Variants in SEMA5B observed in about 807,000 individuals in gnomAD.
The protein encoded by SEMA5B is semaphorin 5B.
In SEMA5B, 66 loss-of-function variants were observed where a neutral mutation model predicts 135.0. The ratio of observed to expected loss-of-function variants is 0.49; its 90% CI spans 0.40 to 0.60. The LOEUF (loss-of-function observed/expected upper bound fraction) is 0.60. SEMA5B is among the 20% of genes least tolerant of loss of function. The pLI is 0.00. For missense variants in SEMA5B, 1,501 were observed against 1,566.3 expected, an observed-to-expected ratio of 0.96 and a Z score of 0.70; for synonymous variants, 690 against 639.5, an observed-to-expected ratio of 1.08 and a Z score of -1.19.
intron 5 of SEMA5B, 23 bp from the exon 6 acceptor site, chr3:122,929,081 C>A (rs1421957080): frequency 1.9e-6 from 3 of 1,606,624 alleles, no homozygotes; most frequent in Non-Finnish European, 2.5e-6. Flanking sequence ...CATAGGAGCA[C>A]ACAGACATCA....
Position 122,923,751 on chromosome 3 carries a change from TTC to T in SEMA5B, c.1137-1_1137del, listed in dbSNP as rs1181800113. 6.2e-7 allele frequency: 1 copy of T among 1,613,886 alleles called. No homozygotes were observed. Among genetic ancestry groups the T allele is most frequent in the Non-Finnish European group, 8.5e-7 (1 of 1,179,972 alleles). ...CAGACAGCAGAAGCCGCGATGCTGTTTCTGAAAGGCAAGAAGTGGTGGCACAG... is the reference window on the plus strand; with the variant it reads ...CAGACAGCAGAAGCCGCGATGCTGTTTGAAAGGCAAGAAGTGGTGGCACAG... On this transcript the variant is annotated splice_acceptor_variant and coding_sequence_variant, in exon 10 of 23. Coordinates refer to ENST00000357599, the MANE Select transcript of SEMA5B (RefSeq NM_001031702.4). LOFTEE classifies it high-confidence loss of function.
chr3:122,953,083 G>A (rs1023789101), intron 2 of SEMA5B, among the ~76,000 whole-genome samples: 30 of 152,194 alleles, frequency 2.0e-4, no homozygotes, highest in Non-Finnish European at 3.2e-4. Flanking sequence ...GACCCTGACT[G>A]ATAGAACACC....
chr3:122,939,129 G>A (rs1168944761), intron 5 of SEMA5B, among the ~76,000 whole-genome samples: 1 of 152,222 alleles, frequency 6.6e-6, no homozygotes, highest in East Asian at 1.9e-4. Flanking sequence ...CCCAAACAGG[G>A]ACAGTTGGTC....
chr3:122,964,360 C>T (rs12635724), intron 1 of SEMA5B, among the ~76,000 whole-genome samples: 48,477 of 151,976 alleles, frequency 0.32, 9,465 homozygotes, highest in African/African-American at 0.56. Context: ...GGAGGACACA[C>T]GTTTCTTCTG....
intron 1 of SEMA5B, among the ~76,000 whole-genome samples, chr3:122,970,186 G>A (rs918112182): frequency 7.2e-5 from 11 of 152,354 alleles, no homozygotes; most frequent in African/African-American, 2.6e-4. Flanking sequence ...GCAGAGCCAG[G>A]ACTGTGAACC....
intron 17 of SEMA5B, 37 bp from the exon 18 acceptor site, chr3:122,913,098 G>A (rs1424004476): frequency 2.1e-6 from 3 of 1,419,410 alleles, no homozygotes; most frequent in East Asian, 2.8e-5. Context: ...TGGGCGCCCG[G>A]CCACCCCGAC....
intron 1 of SEMA5B, among the ~76,000 whole-genome samples, chr3:123,011,868 G>A (rs9864897): frequency 8.5e-4 from 129 of 152,114 alleles, no homozygotes; most frequent in African/African-American, 2.9e-3. Flanking sequence ...CAGAAACCCC[G>A]CTCTGGGGCT....
Position 122,923,616 on chromosome 3 carries a change from C to T in SEMA5B, c.1272+1G>A, listed in dbSNP as rs1938482968. On this transcript the variant is annotated splice_donor_variant, in intron 10 of 22. Coordinates refer to ENST00000357599, the MANE Select transcript of SEMA5B (RefSeq NM_001031702.4). LOFTEE classifies it high-confidence loss of function. ...CAGGGAAAGAGGAGGAGATTCTGTACCTGGAAATTGGGGATGGGGTTGGCT... is the reference window on the plus strand; with the variant it reads ...CAGGGAAAGAGGAGGAGATTCTGTATCTGGAAATTGGGGATGGGGTTGGCT... 1.2e-6 allele frequency: 2 copies of T among 1,613,946 alleles called. No individual in the cohort carries two copies. Among genetic ancestry groups the T allele is most frequent in the Non-Finnish European group, 8.5e-7 (1 of 1,179,962 alleles).
intron 2 of SEMA5B, among the ~76,000 whole-genome samples, chr3:122,951,706 C>T (rs929270019): frequency 6.6e-6 from 1 of 152,254 alleles, no homozygotes; most frequent in African/African-American, 2.4e-5. Flanking sequence ...AGAATCATCC[C>T]CCTGAGGGGG....
intron 4 of SEMA5B, among the ~76,000 whole-genome samples, chr3:122,940,986 T>A (rs952506490): frequency 6.6e-6 from 1 of 152,222 alleles, no homozygotes; most frequent in South Asian, 2.1e-4. Flanking sequence ...TCAAAAATCA[T>A]TCATCACAAC....
intron 1 of SEMA5B, chr3:122,975,890 C>A: frequency 7.1e-7 from 1 of 1,401,642 alleles, no homozygotes; most frequent in Non-Finnish European, 9.6e-7. Flanking sequence ...CAAGGACTCT[C>A]CATCTGCCTC....
At position 122,929,039 on chromosome 3, in the gene SEMA5B, C is replaced by T; in HGVS notation, c.494G>A (p.Ser165Asn). 3 of 1,612,168 alleles carry T rather than the reference C, an allele frequency of 1.9e-6. No homozygotes were observed. Among genetic ancestry groups the T allele is most frequent in the South Asian group, 1.1e-5 (1 of 91,074 alleles). Residue 165 changes from serine to asparagine, a missense_variant, in exon 6 of 23, where the codon AGT becomes AAT. Around this residue, in one of 2 missense-constraint regions of SEMA5B, gnomAD observed 574 missense variants for 684.7 expected, o/e 0.84. Coordinates refer to ENST00000357599, the MANE Select transcript of SEMA5B (RefSeq NM_001031702.4). ...SLLQATEWAS[S>N]EDTRRSCQSK... is the part of the protein sequence containing the mutation. Reference sequence around the variant, plus strand: ...TTGGCAGGAGCGGCGCGTGTCCTCACTGGAGGCCCACTCTGTGGCCTGGGG... The same window carrying T: ...TTGGCAGGAGCGGCGCGTGTCCTCATTGGAGGCCCACTCTGTGGCCTGGGG...
chr3:122,997,404 GATTTTCTCTACTCC>G (rs1194918930), intron 1 of SEMA5B, among the ~76,000 whole-genome samples: 3 of 151,888 alleles, frequency 2.0e-5, no homozygotes, highest in Non-Finnish European at 4.4e-5. Context: ...CTCTCCAGAA[GATTTTCTCTACTCC>G]AGACCCGCCT....
At chr3:122,968,961 C>T (rs939246019) in intron 1 of SEMA5B, among the ~76,000 whole-genome samples, 1 of 152,216 alleles carries the variant, frequency 6.6e-6, no homozygotes, top group Admixed American at 6.5e-5. Context: ...ATTTTTCTCA[C>T]CAATGATCCC....
Position 122,913,891 on chromosome 3 carries a change from C to G in SEMA5B, c.2099G>C (p.Gly700Ala). ...CCGGCTCTTGCCCACGCAGATGCGG[C>G]CCCCGTGGCGGGGAGCAGGGTTGCT... is the stretch of plus-strand genomic sequence containing the variant. Reference protein sequence around the residue: ...SCSNPAPRHGGRICVGKSREE... With the variant: ...SCSNPAPRHGARICVGKSREE... The change falls in exon 15 of 23, where the codon GGC becomes GCC. Residue 700 changes from glycine (G) to alanine (A), a missense_variant. This residue lies in a region of SEMA5B where 927 missense variants were observed against 881.6 expected (regional missense o/e 1.05). Coordinates refer to ENST00000357599, the MANE Select transcript of SEMA5B (RefSeq NM_001031702.4). The G allele has an allele frequency of 6.2e-7, 1 of 1,611,690 alleles. No homozygotes were observed. Among genetic ancestry groups the G allele is most frequent in the Non-Finnish European group, 8.5e-7 (1 of 1,179,072 alleles).
intron 1 of SEMA5B, among the ~76,000 whole-genome samples, chr3:123,005,679 C>T (rs1942292878): frequency 6.6e-6 from 1 of 152,162 alleles, no homozygotes; most frequent in Admixed American, 6.5e-5. Flanking sequence ...TCCTTGGCCA[C>T]CAGAATGTGA....
chr3:122,911,189 G>A (rs1937680127), intron 21 of SEMA5B, 144 bp from the exon 22 acceptor site: 2 of 989,556 alleles, frequency 2.0e-6, no homozygotes, highest in Non-Finnish European at 1.5e-6. Context: ...AGGAAACAGG[G>A]AGGCTGGGGA....
intron 12 of SEMA5B, among the ~76,000 whole-genome samples, chr3:122,920,689 A>G (rs771145229): frequency 2.0e-5 from 3 of 152,246 alleles, no homozygotes; most frequent in Non-Finnish European, 4.4e-5. Flanking sequence ...GTTCAAGATC[A>G]TACGGTTAGT....
intron 1 of SEMA5B, among the ~76,000 whole-genome samples, chr3:122,967,121 G>A (rs1039815171): frequency 2.6e-5 from 4 of 151,810 alleles, no homozygotes; most frequent in Admixed American, 1.3e-4. Flanking sequence ...CCGACCTCAG[G>A]TGATCTGCCT....
Sources: gnomAD v4.1 joint callset for allele counts (sites outside exome capture counted in the v4.1 genomes callset) on GRCh38, gnomAD v4.1.1 for gene constraint, gnomAD v4.1.1 regional missense constraint, MANE v1.5 for transcripts, NCBI Gene and HGNC (gene_info 2026-07-23, HGNC 2026-07-21) for gene names.